GPC5: variants seen among roughly 807,000 people sequenced by gnomAD.
GPC5 encodes the protein glypican 5.
A neutral mutation model predicts 53.9 loss-of-function variants in GPC5; 47 were observed. The observed-to-expected ratio is 0.87, with a 90% CI of 0.69 to 1.11. The LOEUF (loss-of-function observed/expected upper bound fraction) is 1.11. Among genes scored for constraint, GPC5 ranks in the 50% most tolerant of loss-of-function variants. The probability of loss-of-function intolerance (pLI) is 0.00; values close to 1 mark genes in which losing one functional copy is unlikely to be tolerated. For missense variants in GPC5, 748 were observed against 713.1 expected (o/e 1.05, Z -0.56); for synonymous variants, 286 against 263.3 (o/e 1.09, Z -0.84).
At chr13:91,943,207 A>T (rs911459591) in intron 6 of GPC5, among the ~76,000 whole-genome samples, 2 of 152,184 alleles carry the variant, frequency 1.3e-5, no homozygotes, top group African/African-American at 4.8e-5. Context: ...TAATTCTGGT[A>T]TGACATTTAT....
rs116373936 is a variant in GPC5 at position 91,611,759 on chromosome 13, T to C, written c.326-81428T>C. Among the ~76,000 whole-genome samples, 1,459 of 152,302 alleles carry C rather than the reference T, an allele frequency of 9.6e-3. 27 individuals are homozygous for C. Among genetic ancestry groups the C allele is most frequent in the African/African-American group, 0.033 (1,388 of 41,538 alleles). ...ACAGTCCCTATGGCCATAGTCTTGA[T>C]GCATATTCCTTGGCAATCCTGACAC... On this transcript the variant is annotated intron_variant, in intron 2 of 7. Coordinates refer to ENST00000377067, the MANE Select transcript of GPC5 (RefSeq NM_004466.6).
chr13:91,729,883 T>A (rs1395054455), intron 4 of GPC5, among the ~76,000 whole-genome samples: 2 of 152,182 alleles, frequency 1.3e-5, no homozygotes, highest in African/African-American at 4.8e-5. Flanking sequence ...TATAATCTAT[T>A]CACTAGCAAA....
At chr13:92,383,711 T>C (rs1379573032) in intron 7 of GPC5, among the ~76,000 whole-genome samples, 1 of 152,212 alleles carries the variant, frequency 6.6e-6, no homozygotes, top group Non-Finnish European at 1.5e-5. Context: ...AAGCCTGCTT[T>C]CAAGCACATG....
At chr13:91,978,773 C>T (rs2040331175) in intron 6 of GPC5, among the ~76,000 whole-genome samples, 1 of 152,152 alleles carries the variant, frequency 6.6e-6, no homozygotes, top group Non-Finnish European at 1.5e-5. Flanking sequence ...AAAAGATTAT[C>T]TGATGGCTTT....
chr13:92,552,287 A>C (rs560288612), intron 7 of GPC5, among the ~76,000 whole-genome samples: 1 of 152,018 alleles, frequency 6.6e-6, no homozygotes, highest in South Asian at 2.1e-4. Context: ...CTCGCCCTTA[A>C]GAGCACATAT....
intron 2 of GPC5, among the ~76,000 whole-genome samples, chr13:91,481,355 G>T (rs9560813): frequency 0.3 from 44,882 of 151,978 alleles, 6,814 homozygotes; most frequent in South Asian, 0.44. Flanking sequence ...CTCTTTTGGG[G>T]TGAAGTGGAA....
chr13:92,574,550 C>A (rs1413901267), intron 7 of GPC5, among the ~76,000 whole-genome samples: 1 of 152,160 alleles, frequency 6.6e-6, no homozygotes, highest in East Asian at 1.9e-4. Flanking sequence ...GGGTTTTCTG[C>A]ATGTTCCTGA....
chr13:91,775,022 G>C (rs2037687789), intron 5 of GPC5, among the ~76,000 whole-genome samples: 1 of 152,170 alleles, frequency 6.6e-6, no homozygotes, highest in Admixed American at 6.5e-5. Flanking sequence ...GGTAAGAGAA[G>C]AGAGAGTATC....
At chr13:91,570,876 G>A (rs185395265) in intron 2 of GPC5, among the ~76,000 whole-genome samples, 43 of 152,214 alleles carry the variant, frequency 2.8e-4, no homozygotes, top group African/African-American at 9.6e-4. Context: ...GGAAAGTCAA[G>A]TTTCTTAGTC....
intron 7 of GPC5, among the ~76,000 whole-genome samples, chr13:92,453,485 C>G (rs576705659): frequency 5.9e-4 from 90 of 151,872 alleles, no homozygotes; most frequent in African/African-American, 2.1e-3. Flanking sequence ...AGCCCCGCGC[C>G]GACTCCAAGA....
At chr13:91,818,139 A>G (rs886653481) in intron 5 of GPC5, among the ~76,000 whole-genome samples, 4 of 152,346 alleles carry the variant, frequency 2.6e-5, no homozygotes, top group East Asian at 1.9e-4. Flanking sequence ...CACATATGAT[A>G]TATGACATGT....
At chr13:92,336,262 A>C (rs2139241625) in intron 7 of GPC5, among the ~76,000 whole-genome samples, 1 of 152,322 alleles carries the variant, frequency 6.6e-6, no homozygotes, top group African/African-American at 2.4e-5. Context: ...ATTTGATTTA[A>C]AGTAAATACA....
At chr13:92,053,938 A>G (rs1490302823) in intron 6 of GPC5, among the ~76,000 whole-genome samples, 2 of 151,872 alleles carry the variant, frequency 1.3e-5, no homozygotes, top group African/African-American at 4.8e-5. Flanking sequence ...AGGCTGAGAC[A>G]GGAGAATCAC....
chr13:91,469,569 C>T (rs1038198824), intron 2 of GPC5, among the ~76,000 whole-genome samples: 1 of 151,986 alleles, frequency 6.6e-6, no homozygotes, highest in Non-Finnish European at 1.5e-5. Flanking sequence ...CCTGGTCAAT[C>T]ATATAAGTTT....
intron 7 of GPC5, among the ~76,000 whole-genome samples, chr13:92,736,044 CA>C (rs943339990): frequency 6.6e-5 from 10 of 151,968 alleles, no homozygotes; most frequent in Non-Finnish European, 1.2e-4. Flanking sequence ...AACTAACAAG[CA>C]AAAATATAAG....
chr13:92,166,755 GTCT>G (rs2139014003), intron 7 of GPC5, among the ~76,000 whole-genome samples: 1 of 152,262 alleles, frequency 6.6e-6, no homozygotes, highest in East Asian at 1.9e-4. Context: ...GAGTATCACA[GTCT>G]TCTTTCTTCA....
At chr13:91,766,097 C>T (rs1040498166) in intron 5 of GPC5, among the ~76,000 whole-genome samples, 1 of 152,194 alleles carries the variant, frequency 6.6e-6, no homozygotes, top group African/African-American at 2.4e-5. Flanking sequence ...ACAAAATAGA[C>T]ATAAGTCCAT....
intron 7 of GPC5, among the ~76,000 whole-genome samples, chr13:92,663,903 T>TAC (rs1156502271): frequency 1.4e-3 from 120 of 83,150 alleles, no homozygotes; most frequent in African/African-American, 4.9e-3. Context: ...TATATATATA[T>TAC]ACACACACAC....
intron 7 of GPC5, among the ~76,000 whole-genome samples, chr13:92,451,692 A>G (rs1878066717): frequency 6.6e-6 from 1 of 152,212 alleles, no homozygotes; most frequent in Admixed American, 6.5e-5. Context: ...TCTTGTTTTT[A>G]GTGTACTTAA....
Sources: allele counts gnomAD v4.1 joint callset (sites outside exome capture counted in the v4.1 genomes callset), GRCh38; gene constraint gnomAD v4.1.1; transcripts MANE v1.5; gene names NCBI Gene and HGNC (gene_info 2026-07-23, HGNC 2026-07-21).